Variants in CHRM3 observed in about 807,000 individuals in gnomAD.
CHRM3 encodes muscarinic acetylcholine receptor M3.
In CHRM3, 11 loss-of-function variants were observed where a neutral mutation model predicts 41.8. The observed-to-expected ratio is 0.26, with a 90% confidence interval of 0.17 to 0.44. The LOEUF (loss-of-function observed/expected upper bound fraction) is 0.44, where lower values mean the gene tolerates loss of function less well. CHRM3 is among the 20% of genes least tolerant of loss of function. The pLI, the probability that CHRM3 is intolerant of heterozygous loss-of-function variation, is 1.00. For missense variants in CHRM3, 571 were observed against 745.4 expected (o/e 0.77, Z 2.72); for synonymous variants, 297 against 301.4 (o/e 0.99, Z 0.15).
intron 5 of CHRM3, among the ~76,000 whole-genome samples, chr1:239,688,206 A>G (rs1046172182): frequency 6.7e-6 from 1 of 149,222 alleles, no homozygotes; most frequent in East Asian, 1.9e-4. Flanking sequence ...CACATGTATT[A>G]TATATAAAAC....
intron 5 of CHRM3, among the ~76,000 whole-genome samples, chr1:239,758,047 G>A (rs1666385895): frequency 6.6e-6 from 1 of 152,146 alleles, no homozygotes; most frequent in Non-Finnish European, 1.5e-5. Context: ...GGTGTTTGCT[G>A]TATAACAACA....
intron 2 of CHRM3, among the ~76,000 whole-genome samples, chr1:239,524,467 T>G (rs1303580588): frequency 1.3e-5 from 2 of 152,118 alleles, no homozygotes; most frequent in Non-Finnish European, 2.9e-5. Flanking sequence ...CATTCAATTA[T>G]TTGTCGCCAT....
At chr1:239,887,054 C>T (rs1302786805) in intron 6 of CHRM3, among the ~76,000 whole-genome samples, 1 of 152,132 alleles carries the variant, frequency 6.6e-6, no homozygotes, top group African/African-American at 2.4e-5. Context: ...TCATGTTCCT[C>T]GTGTTTCCAG....
chr1:239,394,911 C>T (rs1281256677), intron 1 of CHRM3, among the ~76,000 whole-genome samples: 1 of 152,134 alleles, frequency 6.6e-6, no homozygotes, highest in Non-Finnish European at 1.5e-5. Context: ...ACTCACCGAA[C>T]AGCAATCACA....
chr1:239,680,379 A>G (rs1658441501), intron 5 of CHRM3, among the ~76,000 whole-genome samples: 1 of 152,154 alleles, frequency 6.6e-6, no homozygotes, highest in South Asian at 2.1e-4. Context: ...ATGGAAGAAG[A>G]CTACAAAAGC....
chr1:239,476,239 G>A (rs1371452331), intron 1 of CHRM3, among the ~76,000 whole-genome samples: 4 of 152,148 alleles, frequency 2.6e-5, no homozygotes, highest in South Asian at 2.1e-4. Context: ...GCCGAGGCAG[G>A]CAGATCACCT....
At chr1:239,778,309 A>T (rs1668256689) in intron 5 of CHRM3, among the ~76,000 whole-genome samples, 1 of 152,164 alleles carries the variant, frequency 6.6e-6, no homozygotes, top group Admixed American at 6.5e-5. Context: ...AACCATTTCC[A>T]ACTATTGAGG....
chr1:239,411,689 C>T lies in CHRM3; in HGVS notation c.-521+24462C>T, dbSNP rs112007525. Among the ~76,000 whole-genome samples the T allele has an allele frequency of 2.8e-3, 337 of 118,784 alleles. 1 individual carries two copies. Among genetic ancestry groups the T allele is most frequent in the African/African-American group, 0.011 (321 of 29,792 alleles). The allele number at this position is 118,784 out of a possible 152,430, so 77.9% of individuals were successfully genotyped here. On this transcript the variant is annotated intron_variant, in intron 1 of 6. Transcript: ENST00000676153. ...GCAGTGAGCCAAGATCGCCCCATTG[C>T]AGTCCAGCCTGGGCGACAGAGCCTC...
At chr1:239,751,813 A>G (rs186252362) in intron 5 of CHRM3, among the ~76,000 whole-genome samples, 150 of 152,338 alleles carry the variant, frequency 9.8e-4, no homozygotes, top group African/African-American at 3.4e-3. Context: ...TGAATAAATG[A>G]TTCAGGTAAA....
intron 3 of CHRM3, among the ~76,000 whole-genome samples, chr1:239,603,690 T>C (rs1665890548): frequency 6.6e-6 from 1 of 152,106 alleles, no homozygotes; most frequent in Non-Finnish European, 1.5e-5. Flanking sequence ...ACTAACCTTA[T>C]ATGATTCGCT....
chr1:239,454,859 G>A (rs1361787963), intron 1 of CHRM3, among the ~76,000 whole-genome samples: 4 of 152,140 alleles, frequency 2.6e-5, no homozygotes, highest in African/African-American at 9.7e-5. Context: ...ATCACCTAGT[G>A]ATGTGGTAGC....
intron 1 of CHRM3, among the ~76,000 whole-genome samples, chr1:239,411,468 T>C (rs1460088052): frequency 6.6e-6 from 1 of 152,056 alleles, no homozygotes; most frequent in Non-Finnish European, 1.5e-5. Context: ...GGCTCATGCC[T>C]GTAATCCCAG....
chr1:239,718,791 T>G (rs1662648007), intron 5 of CHRM3: 1 of 152,006 alleles, frequency 6.6e-6, no homozygotes, highest in Admixed American at 6.6e-5. Flanking sequence ...TTTCTTAAAT[T>G]ACAGATCCTC....
intron 3 of CHRM3, among the ~76,000 whole-genome samples, chr1:239,574,843 T>G (rs1013911963): frequency 1.3e-5 from 2 of 152,086 alleles, no homozygotes; most frequent in Non-Finnish European, 2.9e-5. Flanking sequence ...TATTTTCTTC[T>G]TCTTCTAACC....
At chr1:239,880,253 C>T (rs1677476153) in intron 6 of CHRM3, among the ~76,000 whole-genome samples, 2 of 152,190 alleles carry the variant, frequency 1.3e-5, no homozygotes. Context: ...TTAGCATGAT[C>T]TGATGATGGG....
intron 5 of CHRM3, among the ~76,000 whole-genome samples, chr1:239,711,018 A>T (rs1661725047): frequency 6.6e-6 from 1 of 152,120 alleles, no homozygotes; most frequent in Non-Finnish European, 1.5e-5. Flanking sequence ...AAGACCCAGC[A>T]AAAATGCCAC....
chr1:239,552,507 T>TATATATA (rs1553325442), intron 3 of CHRM3, among the ~76,000 whole-genome samples: 7 of 145,896 alleles, frequency 4.8e-5, no homozygotes, highest in African/African-American at 1.8e-4. Context: ...AATATATATT[T>TATATATA]TATATATATA....
intron 6 of CHRM3, among the ~76,000 whole-genome samples, chr1:239,897,050 T>G (rs1229199084): frequency 1.3e-5 from 2 of 152,210 alleles, no homozygotes; most frequent in Non-Finnish European, 2.9e-5. Context: ...ATCCTCATTT[T>G]GTAGATGAGG....
At chr1:239,485,101 CTA>C (rs1667102277) in intron 1 of CHRM3, among the ~76,000 whole-genome samples, 1 of 152,106 alleles carries the variant, frequency 6.6e-6, no homozygotes, top group Non-Finnish European at 1.5e-5. Context: ...GGAACAGAAA[CTA>C]TTTCTCTACT....
Sources: allele counts gnomAD v4.1 joint callset (sites outside exome capture counted in the v4.1 genomes callset), GRCh38; gene constraint gnomAD v4.1.1; transcripts MANE v1.5; gene names NCBI Gene and HGNC (gene_info 2026-07-23, HGNC 2026-07-21).